The following PCDH15 variants were observed in gnomAD, a reference collection of about 807,000 sequenced individuals.
PCDH15 encodes protocadherin related 15, also known as protocadherin-15.
PCDH15 carries 129 observed loss-of-function variants against 178.5 expected under a neutral mutation model. The ratio of observed to expected loss-of-function variants is 0.72; its 90% CI spans 0.63 to 0.84. The LOEUF (loss-of-function observed/expected upper bound fraction) is 0.84, where lower values mean the gene tolerates loss of function less well. PCDH15 is among the 40% of genes least tolerant of loss of function. The pLI is 0.00. For synonymous variants in PCDH15, 800 were observed against 732.0 expected, an observed-to-expected ratio of 1.09 and a Z score of -1.50; for missense variants, 2,230 against 2,099.9, an observed-to-expected ratio of 1.06 and a Z score of -1.21.
At chr10:55,254,423 G>C (rs1841932507) in intron 1 of PCDH15, among the ~76,000 whole-genome samples, 1 of 152,072 alleles carries the variant, frequency 6.6e-6, no homozygotes, top group Non-Finnish European at 1.5e-5. Flanking sequence ...TAGAACCTTT[G>C]ACCCAAAGGC....
Position 53,968,803 on chromosome 10 carries a change from C to T in PCDH15, c.2869-6911G>A, listed in dbSNP as rs559375521. ...CAGCTGACGGTCCTGACTGTTAGAA[C>T]GAAAACTAACAAACAGAAAGGATAT... On this transcript the variant is annotated intron_variant, in intron 21 of 37. Transcript: ENST00000644397. Among the ~76,000 whole-genome samples the T allele has an allele frequency of 1.6e-3, 240 of 152,142 alleles. 1 individual carries two copies. The highest frequency in any genetic ancestry group is 0.01 in the Middle Eastern group (3 of 292).
Position 54,132,900 on chromosome 10 carries a change from A to G in PCDH15, c.1892T>C (p.Val631Ala), listed in dbSNP as rs2042563715. The G allele has an allele frequency of 6.2e-7, 1 of 1,613,598 alleles. No individual in the cohort carries two copies. Reference protein sequence around the residue: ...YSLEISEAMRVGAVLLNLQAT... With the variant: ...YSLEISEAMRAGAVLLNLQAT... ...CTGTAGATTTAATAAAACAGCACCA[A>G]CCCTCATGGCTTCACTAATTTCAAG... is the stretch of plus-strand genomic sequence containing the variant. The change falls in exon 15 of 38, where the codon GTT becomes GCT. Residue 631 changes from valine to alanine, a missense_variant. Transcript: ENST00000644397.
At chr10:53,889,194 C>T (rs1443454910) in intron 26 of PCDH15, among the ~76,000 whole-genome samples, 1 of 151,492 alleles carries the variant, frequency 6.6e-6, no homozygotes, top group Non-Finnish European at 1.5e-5. Context: ...AAAAGTTGCT[C>T]AACATGAAAA....
intron 8 of PCDH15, among the ~76,000 whole-genome samples, chr10:54,258,398 A>G (rs1352743476): frequency 6.6e-6 from 1 of 152,350 alleles, no homozygotes; most frequent in African/African-American, 2.4e-5. Context: ...TCATTAGAAT[A>G]GAGAGACAAT....
chr10:54,214,153 A>G, intron 9 of PCDH15, 105 bp from the exon 10 acceptor site: 1 of 686,544 alleles, frequency 1.5e-6, no homozygotes, highest in Non-Finnish European at 2.7e-6. Context: ...CTACAATTTC[A>G]TTAGTAAATT....
At chr10:54,305,142 C>T (rs1355111983) in intron 8 of PCDH15, among the ~76,000 whole-genome samples, 1 of 152,006 alleles carries the variant, frequency 6.6e-6, no homozygotes, top group Non-Finnish European at 1.5e-5. Flanking sequence ...TCATTGAATT[C>T]TAAACCATCT....
chr10:54,241,030 C>G (rs2131886912), intron 8 of PCDH15, among the ~76,000 whole-genome samples: 1 of 152,242 alleles, frequency 6.6e-6, no homozygotes, highest in Non-Finnish European at 1.5e-5. Context: ...CAGGATTTAG[C>G]AAATAGCAGA....
At chr10:54,794,355 G>C (rs968218008) in intron 1 of PCDH15, among the ~76,000 whole-genome samples, 1 of 151,350 alleles carries the variant, frequency 6.6e-6, no homozygotes, top group Non-Finnish European at 1.5e-5. Flanking sequence ...GCTGAATATT[G>C]TTCTATCCTT....
At chr10:54,342,814 G>A (rs1942499444) in intron 6 of PCDH15, among the ~76,000 whole-genome samples, 1 of 152,166 alleles carries the variant, frequency 6.6e-6, no homozygotes. Context: ...GTGAGACATG[G>A]AGTCAAATGA....
chr10:54,828,488 T>G (rs1467534218), intron 3 of PCDH15, among the ~76,000 whole-genome samples: 1 of 49,098 alleles, frequency 2.0e-5, no homozygotes, highest in Non-Finnish European at 4.2e-5. Context: ...TATATGTATG[T>G]GTATGTGTAT....
intron 2 of PCDH15, among the ~76,000 whole-genome samples, chr10:55,474,114 A>G (rs953948131): frequency 1.2e-4 from 18 of 152,156 alleles, no homozygotes; most frequent in Non-Finnish European, 2.2e-4. Flanking sequence ...AATATTACCA[A>G]TTTTCTACAT....
chr10:55,394,056 C>A (rs1464610123), intron 2 of PCDH15, among the ~76,000 whole-genome samples: 1 of 151,938 alleles, frequency 6.6e-6, no homozygotes, highest in Non-Finnish European at 1.5e-5. Flanking sequence ...GCATAAAACC[C>A]AACCAGCCCC....
chr10:54,622,400 G>A (rs1225041678), intron 2 of PCDH15, among the ~76,000 whole-genome samples: 1 of 149,034 alleles, frequency 6.7e-6, no homozygotes, highest in Non-Finnish European at 1.5e-5. Context: ...AATAATTGGT[G>A]ACAAGATTTA....
intron 3 of PCDH15, among the ~76,000 whole-genome samples, chr10:54,830,674 T>C (rs1479533840): frequency 6.6e-6 from 1 of 151,676 alleles, no homozygotes; most frequent in Non-Finnish European, 1.5e-5. Context: ...ACATGGCACA[T>C]GTATACATAT....
rs1489164316 is a variant in PCDH15, at chr10:53,806,949, C to A, written c.4853G>T (p.Cys1618Phe). The change falls in exon 38 of 38, where the codon TGC (cysteine) becomes TTC (phenylalanine). Residue 1618 changes from cysteine (C) to phenylalanine (F), a missense_variant. Physicochemically the swap from Cys to Phe is radical, Grantham distance 205. Transcript: ENST00000644397. ...NGSVVRTRRACLTDNLKVASP... is the reference protein window; with the variant it reads ...NGSVVRTRRAFLTDNLKVASP... ...AGCAACTTTTAAGTTGTCCGTGAGG[C>A]AGGCACGGCGGGTTCTCACCACAGA... 1 of 1,613,840 alleles carries A rather than the reference C, an allele frequency of 6.2e-7. No individual in the cohort carries two copies. The highest frequency in any genetic ancestry group is 2.2e-5 in the East Asian group (1 of 44,868).
At chr10:53,829,275 C>A (rs1415874174) in intron 30 of PCDH15, among the ~76,000 whole-genome samples, 1 of 152,052 alleles carries the variant, frequency 6.6e-6, no homozygotes, top group Non-Finnish European at 1.5e-5. Flanking sequence ...TGGTATTGAG[C>A]TGATTATCAA....
intron 8 of PCDH15, among the ~76,000 whole-genome samples, chr10:54,312,244 T>A (rs983260975): frequency 8.6e-5 from 13 of 152,042 alleles, no homozygotes; most frequent in African/African-American, 3.1e-4. Context: ...AACACAGTAA[T>A]TTGAATGTGA....
intron 27 of PCDH15, among the ~76,000 whole-genome samples, chr10:53,862,148 T>C (rs1461934551): frequency 6.6e-6 from 1 of 151,848 alleles, no homozygotes; most frequent in Non-Finnish European, 1.5e-5. Flanking sequence ...GCCTCCTGGG[T>C]TCAAGCAATT....
At chr10:54,134,034 CTTTA>C (rs141155149) in intron 14 of PCDH15, among the ~76,000 whole-genome samples, 2,536 of 134,394 alleles carry the variant, frequency 0.019, 306 homozygotes, top group African/African-American at 0.059. Flanking sequence ...GGATGAGAAT[CTTTA>C]TTTATTTATT....
Sources: gnomAD v4.1 joint callset for allele counts (sites outside exome capture counted in the v4.1 genomes callset) on GRCh38, gnomAD v4.1.1 for gene constraint, MANE v1.5 for transcripts, NCBI Gene and HGNC (gene_info 2026-07-23, HGNC 2026-07-21) for gene names.